Variants in ZNF235 observed in about 807,000 individuals in gnomAD.
ZNF235 encodes zfp-93.
A neutral mutation model predicts 29.4 loss-of-function variants in ZNF235; 25 were observed. That is an observed-to-expected ratio of 0.85 (90% CI 0.62 to 1.19). The LOEUF is 1.19. Ranked by LOEUF, ZNF235 falls within the 50% of genes most tolerant of loss-of-function variation. The probability of loss-of-function intolerance (pLI) is 0.00; values close to 1 mark genes in which losing one functional copy is unlikely to be tolerated. For missense variants in ZNF235, 788 were observed against 885.0 expected (o/e 0.89, Z 1.39); for synonymous variants, 300 against 295.3 (o/e 1.02, Z -0.16).
At position 44,299,591 on chromosome 19, in the gene ZNF235, G is replaced by A. The variant is rs1231723546; in HGVS notation, c.142+15C>T. On this transcript the variant is annotated intron_variant, in intron 3 of 4. Coordinates refer to ENST00000291182, the MANE Select transcript of ZNF235 (RefSeq NM_004234.4). Reference sequence around the variant, plus strand: ...TGAGAAACCCTGCTGAATTACAGAGGGTGCCTGTCCTTACCCACTGAAACC... The same window carrying A: ...TGAGAAACCCTGCTGAATTACAGAGAGTGCCTGTCCTTACCCACTGAAACC... The A allele has an allele frequency of 6.2e-7, 1 of 1,612,778 alleles. No homozygotes were observed. Among genetic ancestry groups the A allele is most frequent in the Admixed American group, 1.7e-5 (1 of 59,714 alleles).
rs1975512964 is a variant in ZNF235 at position 44,287,809 on chromosome 19, T to C, written c.1626A>G (p.Pro542=). The change falls in exon 5 of 5, where the codon CCA becomes CCG. Residue 542 remains proline, a synonymous_variant. Coordinates refer to ENST00000291182, the MANE Select transcript of ZNF235 (RefSeq NM_004234.4). ...AHQRVHTGEK[P]YKCEVCGKRF... is the part of the protein sequence containing the mutation. ...GCTTCCCACACACTTCACATTTGTA[T>C]GGTTTTTCTCCAGTGTGGACTCTCT... The C allele has an allele frequency of 1.2e-6, 2 of 1,613,084 alleles. No homozygotes were observed. Among genetic ancestry groups the C allele is most frequent in the Non-Finnish European group, 1.7e-6 (2 of 1,179,670 alleles).
chr19:44,303,122 TAC>T (rs1215586016), intron 2 of ZNF235, among the ~76,000 whole-genome samples: 1 of 143,498 alleles, frequency 7.0e-6, no homozygotes, highest in Non-Finnish European at 1.5e-5. Flanking sequence ...TATAAATATA[TAC>T]ATATATATTT....
rs552402609 is a variant in ZNF235 at position 44,304,262 on chromosome 19, T to C, written c.-49+709A>G. Among the ~76,000 whole-genome samples the C allele has an allele frequency of 3.3e-5, 5 of 152,348 alleles. No individual in the cohort carries two copies. In the South Asian group the frequency reaches 1.0e-3, roughly 32 times the overall value. ...CACTTAAGTTAACCACACGGGATTA[T>C]TGGTTATAACCACATTATACTGAAC... On this transcript the variant is annotated intron_variant, in intron 1 of 4. Coordinates refer to ENST00000291182, the MANE Select transcript of ZNF235 (RefSeq NM_004234.4).
intron 2 of ZNF235, among the ~76,000 whole-genome samples, chr19:44,303,140 TA>T (rs1422563199): frequency 6.9e-6 from 1 of 144,026 alleles, no homozygotes; most frequent in African/African-American, 2.5e-5. Flanking sequence ...TATTTGTATA[TA>T]AATATAAAAT....
chr19:44,288,692 A>G lies in ZNF235; in HGVS notation c.743T>C (p.Val248Ala). Residue 248 changes from valine (V) to alanine (A), a missense_variant, in exon 5 of 5, where the codon GTA (valine) becomes GCA (alanine). By Grantham distance (64) the Val-to-Ala change is moderately conservative. Transcript: ENST00000291182. The part of the protein sequence containing the change: ...NSDCGKDTLK[V>A]SPLTQRSIHT... ...AATACTACGCTGGGTAAGAGGTGAT[A>G]CCTTTAGGGTATCTTTACCACAATC... 1 of 1,614,104 alleles carries G rather than the reference A, an allele frequency of 6.2e-7. No homozygotes were observed. Among genetic ancestry groups the G allele is most frequent in the Non-Finnish European group, 8.5e-7 (1 of 1,180,006 alleles).
intron 3 of ZNF235, 98 bp downstream of exon 3, chr19:44,299,508 C>G: frequency 6.7e-7 from 1 of 1,492,042 alleles, no homozygotes; most frequent in Non-Finnish European, 9.1e-7. Context: ...CCAAAATACA[C>G]AGGATAGCCT....
intron 2 of ZNF235, among the ~76,000 whole-genome samples, chr19:44,302,408 G>T (rs935127680): frequency 1.3e-5 from 2 of 152,136 alleles, no homozygotes; most frequent in African/African-American, 4.8e-5. Flanking sequence ...ATTCGAAATT[G>T]TACCTAAAGT....
Position 44,288,725 on chromosome 19 carries a change from C to T in ZNF235, c.710G>A (p.Ser237Asn), listed in dbSNP as rs1172142777. ...GGTATCTTTACCACAATCACTATTG[C>T]TATGAACTTTATCTCTTTTGTGCAC... ...NIVHKRDKVHSNSDCGKDTLK... is the reference protein window; with the variant it reads ...NIVHKRDKVHNNSDCGKDTLK... The change falls in exon 5 of 5, where the codon AGC (serine) becomes AAC (asparagine). Residue 237 changes from serine (S) to asparagine (N), a missense_variant. Physicochemically the swap from Ser to Asn is conservative, Grantham distance 46. Coordinates refer to ENST00000291182, the MANE Select transcript of ZNF235 (RefSeq NM_004234.4). 4 of 1,613,956 alleles carry T rather than the reference C, an allele frequency of 2.5e-6. No individual in the cohort carries two copies. The highest frequency in any genetic ancestry group is 3.4e-6 in the Non-Finnish European group (4 of 1,180,010).
intron 4 of ZNF235, 169 bp from the exon 5 acceptor site, chr19:44,289,365 C>T (rs1975554094): frequency 4.9e-6 from 3 of 608,320 alleles, no homozygotes; most frequent in Non-Finnish European, 8.2e-6. Flanking sequence ...CAAGAGAACA[C>T]CAAATGTTTT....
At chr19:44,299,197 T>A (rs1357045458) in intron 3 of ZNF235, among the ~76,000 whole-genome samples, 1 of 152,212 alleles carries the variant, frequency 6.6e-6, no homozygotes, top group Non-Finnish European at 1.5e-5. Context: ...CCATTCTGGC[T>A]AAGGGGCTCT....
At chr19:44,289,413 C>T in intron 4 of ZNF235, 2 of 512,368 alleles carry the variant, frequency 3.9e-6, no homozygotes, top group Non-Finnish European at 6.8e-6. Flanking sequence ...TGAGATCAGC[C>T]CAGGGTATGG....
intron 2 of ZNF235, among the ~76,000 whole-genome samples, chr19:44,299,966 C>T (rs11671074): frequency 0.39 from 58,576 of 152,052 alleles, 13,303 homozygotes; most frequent in South Asian, 0.58. Context: ...CTGATAGCAC[C>T]AAATTTGATA....
intron 4 of ZNF235, among the ~76,000 whole-genome samples, chr19:44,293,941 T>A (rs574250294): frequency 7.2e-4 from 90 of 125,650 alleles, no homozygotes; most frequent in Admixed American, 2.1e-3. Flanking sequence ...TAGTGTTAAA[T>A]GTCTACACTA....
Position 44,292,224 on chromosome 19 carries a change from A to G in ZNF235, c.239-3028T>C, listed in dbSNP as rs182926420. ...TAAGACAGGAAAAAAACAACATAAAAGAAATAAAGATCATAAAGGAAAAAA... is the reference window on the plus strand; with the variant it reads ...TAAGACAGGAAAAAAACAACATAAAGGAAATAAAGATCATAAAGGAAAAAA... On this transcript the variant is annotated intron_variant, in intron 4 of 4. Coordinates refer to ENST00000291182, the MANE Select transcript of ZNF235 (RefSeq NM_004234.4). 2.3e-4 allele frequency among the ~76,000 whole-genome samples: 35 copies of G among 152,126 alleles called. 1 individual carries two copies. Among genetic ancestry groups the G allele is most frequent in the African/African-American group, 7.7e-4 (32 of 41,566 alleles).
intron 4 of ZNF235, among the ~76,000 whole-genome samples, chr19:44,292,539 C>T (rs962579971): frequency 1.4e-5 from 2 of 146,734 alleles, no homozygotes; most frequent in African/African-American, 5.0e-5. Context: ...TCTAGTCAGA[C>T]GAAAGTAAAG....
At chr19:44,298,948 T>A in intron 3 of ZNF235, 45 bp from the exon 4 acceptor site, 1 of 1,488,656 alleles carries the variant, frequency 6.7e-7, no homozygotes. Flanking sequence ...AGGCAAAGAG[T>A]ACTGAAAAAA....
rs202180327 is a variant in ZNF235 at position 44,289,083 on chromosome 19, T to C, written c.352A>G (p.Arg118Gly). The C allele has an allele frequency of 1.5e-4, 245 of 1,614,052 alleles. 1 individual carries two copies. Among genetic ancestry groups the C allele is most frequent in the Non-Finnish European group, 1.6e-4 (185 of 1,180,012 alleles). Residue 118 changes from arginine to glycine, a missense_variant, in exon 5 of 5, where the codon AGA becomes GGA. Physicochemically the swap from Arg to Gly is moderately radical, Grantham distance 125. Transcript: ENST00000291182. ...ATATTTATCATGGAGTCTTGACTTC[T>C]GGCTAATTTGCTCGCAATGTGTCTC... ...IKRHIASKLA[R>G]SQDSMINIEG...
At position 44,288,652 on chromosome 19, in the gene ZNF235, T is replaced by C. The variant is rs1185474296; in HGVS notation, c.783A>G (p.Lys261=). 6.2e-7 allele frequency: 1 copy of C among 1,614,082 alleles called. No homozygotes were observed. The highest frequency in any genetic ancestry group is 1.7e-5 in the Admixed American group (1 of 60,010). Residue 261 remains lysine (K), a synonymous_variant, in exon 5 of 5, where the codon AAA becomes AAG. Coordinates refer to ENST00000291182, the MANE Select transcript of ZNF235 (RefSeq NM_004234.4). ...CTTCACATTCATTACCCTGGTAGGT[T>C]TTCTGTCCTGTGTGAATACTACGCT... is the stretch of plus-strand genomic sequence containing the variant. ...LTQRSIHTGQ[K]TYQGNECEEA...
At chr19:44,296,452 A>C (rs1975655529) in intron 4 of ZNF235, among the ~76,000 whole-genome samples, 1 of 152,226 alleles carries the variant, frequency 6.6e-6, no homozygotes, top group Non-Finnish European at 1.5e-5. Context: ...TTAACAGAAA[A>C]AGATGTAAAA....
Sources: gnomAD v4.1 joint callset for allele counts (sites outside exome capture counted in the v4.1 genomes callset) on GRCh38, gnomAD v4.1.1 for gene constraint, MANE v1.5 for transcripts, NCBI Gene and HGNC (gene_info 2026-07-23, HGNC 2026-07-21) for gene names.